PAXBP1: variants seen among roughly 807,000 people sequenced by gnomAD.
PAXBP1 encodes the protein PAX3- and PAX7-binding protein 1.
PAXBP1 carries 44 observed loss-of-function variants against 119.9 expected under a neutral mutation model. The ratio of observed to expected loss-of-function variants is 0.37; its 90% CI spans 0.29 to 0.47. The LOEUF (loss-of-function observed/expected upper bound fraction) is 0.47, where lower values mean the gene tolerates loss of function less well. Among genes scored for constraint, PAXBP1 ranks in the 20% least tolerant of loss-of-function variants. The pLI, the probability that PAXBP1 is intolerant of heterozygous loss-of-function variation, is 0.99. For synonymous variants in PAXBP1, 393 were observed against 406.6 expected, an observed-to-expected ratio of 0.97 and a Z score of 0.40; for missense variants, 898 against 1,134.1, an observed-to-expected ratio of 0.79 and a Z score of 2.99.
At chr21:32,741,838 A>G (rs2043790986) in intron 15 of PAXBP1, among the ~76,000 whole-genome samples, 1 of 152,200 alleles carries the variant, frequency 6.6e-6, no homozygotes, top group African/African-American at 2.4e-5. Flanking sequence ...AGGTCAAAGA[A>G]AAAGTTCTTC....
chr21:32,737,119 A>G (rs1168117592), intron 17 of PAXBP1, 135 bp downstream of exon 17: 3 of 705,040 alleles, frequency 4.3e-6, no homozygotes, highest in Non-Finnish European at 6.1e-6. Flanking sequence ...AATTATGTGC[A>G]TTTTTGGTAG....
intron 10 of PAXBP1, 26 bp downstream of exon 10, chr21:32,750,891 G>T: frequency 6.5e-7 from 1 of 1,538,524 alleles, no homozygotes; most frequent in Non-Finnish European, 8.9e-7. Flanking sequence ...CTGATGATGA[G>T]TCTTATTTCC....
chr21:32,737,494 T>C, intron 16 of PAXBP1, 86 bp from the exon 17 acceptor site: 1 of 1,142,140 alleles, frequency 8.8e-7, no homozygotes, highest in Non-Finnish European at 1.2e-6. Context: ...TGGGTATAAA[T>C]GTATTTCACC....
At chr21:32,769,303 T>C (rs749778580) in intron 2 of PAXBP1, among the ~76,000 whole-genome samples, 6 of 152,126 alleles carry the variant, frequency 3.9e-5, no homozygotes, top group Non-Finnish European at 7.3e-5. Context: ...CTGTACAATA[T>C]ACCTGCCTCA....
chr21:32,771,500 G>A lies in PAXBP1; in HGVS notation c.169C>T (p.Leu57=). The part of the protein sequence containing the change: ...GDRAPGGESL[L]GPGPSPPSAL... ...GAAGGCGGCGACGGCCCCGGGCCCA[G>A]CAGCGACTCCCCGCCAGGGGCCCTG... The change falls in exon 1 of 18, where the codon CTG becomes TTG. Residue 57 remains leucine, a synonymous_variant. Coordinates refer to ENST00000331923, the MANE Select transcript of PAXBP1 (RefSeq NM_016631.4). 7.5e-7 allele frequency: 1 copy of A among 1,324,920 alleles called. No homozygotes were observed. Among genetic ancestry groups the A allele is most frequent in the East Asian group, 3.1e-5 (1 of 32,212 alleles). The allele number at this position is 1,324,920 out of a possible 1,614,324, so 82.1% of individuals were successfully genotyped here. A position where few individuals can be genotyped will look rare whatever the true frequency, so the allele number is the denominator to read the frequency against.
intron 6 of PAXBP1, 176 bp downstream of exon 6, chr21:32,759,601 C>T (rs1449670954): frequency 3.1e-6 from 2 of 649,098 alleles, no homozygotes; most frequent in South Asian, 2.0e-5. Context: ...GAGGCTTCCA[C>T]AGAAGTAATC....
intron 10 of PAXBP1, among the ~76,000 whole-genome samples, chr21:32,749,409 G>A (rs1196520294): frequency 2.6e-5 from 4 of 151,924 alleles, no homozygotes; most frequent in Non-Finnish European, 4.4e-5. Flanking sequence ...GAGCCAGGCT[G>A]GTCTCGAATT....
intron 8 of PAXBP1, among the ~76,000 whole-genome samples, chr21:32,752,453 G>C (rs922827939): frequency 2.0e-5 from 3 of 152,186 alleles, no homozygotes; most frequent in African/African-American, 7.2e-5. Flanking sequence ...GACTGGGTGA[G>C]AGGGGAGGGA....
intron 8 of PAXBP1, among the ~76,000 whole-genome samples, chr21:32,754,963 T>TATACTTTTCTATA (rs1340298109): frequency 6.6e-6 from 1 of 152,168 alleles, no homozygotes; most frequent in Non-Finnish European, 1.5e-5. Context: ...TTTTCTATAC[T>TATACTTTTCTATA]CTAAAGGAGA....
At chr21:32,754,957 C>T (rs376381776) in intron 8 of PAXBP1, among the ~76,000 whole-genome samples, 2 of 152,078 alleles carry the variant, frequency 1.3e-5, no homozygotes, top group South Asian at 2.1e-4. Context: ...AATGTCTTTT[C>T]TATACTCTAA....
At position 32,748,704 on chromosome 21, in the gene PAXBP1, A is replaced by C. The variant is rs1427404000; in HGVS notation, c.1724-6T>G. 3.7e-6 allele frequency: 6 copies of C among 1,606,582 alleles called. No individual in the cohort carries two copies. The highest frequency in any genetic ancestry group is 1.3e-5 in the African/African-American group (1 of 74,710). On this transcript the variant is annotated splice_polypyrimidine_tract_variant and splice_region_variant and intron_variant, in intron 10 of 17. Coordinates refer to ENST00000331923, the MANE Select transcript of PAXBP1 (RefSeq NM_016631.4). Reference sequence around the variant, plus strand: ...GGATTCTTTTGAAATTCGATCTAAAAACAACAAAACCCCACAGAGAACCAT... The same window carrying C: ...GGATTCTTTTGAAATTCGATCTAAACACAACAAAACCCCACAGAGAACCAT...
In PAXBP1 at chr21:32,734,693, G is replaced by T. The variant is rs1044208246; in HGVS notation, c.*257C>A. 4.2e-6 allele frequency: 2 copies of T among 473,534 alleles called. No homozygotes were observed. Among genetic ancestry groups the T allele is most frequent in the Non-Finnish European group, 7.6e-6 (2 of 264,694 alleles). The allele number at this position is 473,534 out of a possible 1,614,324, so 29.3% of individuals were successfully genotyped here. On this transcript the variant is annotated 3_prime_UTR_variant, in exon 18 of 18. Transcript: ENST00000331923. ...TTACAGGGGACAATTAACTGAGAGG[G>T]TTAATTTAAATGACCATACAAAATA...
chr21:32,764,337 T>C lies in PAXBP1; in HGVS notation c.649+11A>G. 1.2e-6 allele frequency: 2 copies of C among 1,612,092 alleles called. No individual in the cohort carries two copies. Among genetic ancestry groups the C allele is most frequent in the Non-Finnish European group, 8.5e-7 (1 of 1,179,226 alleles). On this transcript the variant is annotated intron_variant, in intron 3 of 17. Transcript: ENST00000331923. ...TTAGTTTAGTTCTGAGAAATACTTT[T>C]GAGTACACACCTGGACGAAGAACAT...
chr21:32,745,325 G>A (rs193112020), intron 12 of PAXBP1, among the ~76,000 whole-genome samples: 35 of 152,194 alleles, frequency 2.3e-4, no homozygotes, highest in African/African-American at 8.4e-4. Flanking sequence ...TTTTGCTTCA[G>A]TCAGTCTTTG....
At chr21:32,766,294 T>C (rs2044240255) in intron 2 of PAXBP1, among the ~76,000 whole-genome samples, 1 of 152,220 alleles carries the variant, frequency 6.6e-6, no homozygotes, top group African/African-American at 2.4e-5. Flanking sequence ...TTGCTTATGA[T>C]TGAGCAAACA....
intron 12 of PAXBP1, 76 bp from the exon 13 acceptor site, chr21:32,744,989 A>G: frequency 7.1e-7 from 1 of 1,413,010 alleles, no homozygotes; most frequent in Non-Finnish European, 9.7e-7. Context: ...ACCTCTATTA[A>G]TGCCAATCCT....
intron 15 of PAXBP1, chr21:32,742,777 C>T: frequency 6.8e-6 from 2 of 293,914 alleles, no homozygotes; most frequent in Non-Finnish European, 6.7e-6. Context: ...ATAACCTTTA[C>T]CACAGTATAT....
At chr21:32,741,354 G>A (rs976873082) in intron 15 of PAXBP1, 17 of 483,528 alleles carry the variant, frequency 3.5e-5, no homozygotes, top group African/African-American at 2.4e-4. Context: ...AGGAGAAAAG[G>A]CATATAAATT....
At chr21:32,751,263 T>C (rs770298142) in intron 8 of PAXBP1, 45 bp from the exon 9 acceptor site, 1 of 1,569,026 alleles carries the variant, frequency 6.4e-7, no homozygotes, top group Non-Finnish European at 8.8e-7. Context: ...CTTTCAACAA[T>C]CTTGAGGAAA....
Sources: allele counts gnomAD v4.1 joint callset (sites outside exome capture counted in the v4.1 genomes callset), GRCh38; gene constraint gnomAD v4.1.1; transcripts MANE v1.5; gene names NCBI Gene and HGNC (gene_info 2026-07-23, HGNC 2026-07-21).